The following NDST3 variants were observed in gnomAD, a reference collection of about 807,000 sequenced individuals.
NDST3 encodes bifunctional heparan sulfate N-deacetylase/N-sulfotransferase 3.
NDST3 carries 58 observed loss-of-function variants against 96.1 expected under a neutral mutation model. That is an observed-to-expected ratio of 0.60 (90% CI 0.49 to 0.75). The LOEUF (loss-of-function observed/expected upper bound fraction) is 0.75, where lower values mean the gene tolerates loss of function less well. NDST3 is among the 30% of genes least tolerant of loss of function. The pLI is 0.00. For missense variants in NDST3, 788 were observed against 1,034.2 expected (o/e 0.76, Z 3.27); for synonymous variants, 333 against 359.7 (o/e 0.93, Z 0.84).
chr4:118,236,566 C>G (rs762924556), intron 9 of NDST3, among the ~76,000 whole-genome samples: 1 of 152,158 alleles, frequency 6.6e-6, no homozygotes, highest in Non-Finnish European at 1.5e-5. Context: ...TGTGATTAAA[C>G]GTAACACCGG....
intron 2 of NDST3, among the ~76,000 whole-genome samples, chr4:118,097,670 C>T (rs1729425805): frequency 6.6e-6 from 1 of 151,910 alleles, no homozygotes; most frequent in Non-Finnish European, 1.5e-5. Context: ...TTTATTTTAG[C>T]AATTTTCAAA....
chr4:118,087,392 A>G (rs1044107230), intron 2 of NDST3, among the ~76,000 whole-genome samples: 1 of 152,176 alleles, frequency 6.6e-6, no homozygotes, highest in Non-Finnish European at 1.5e-5. Flanking sequence ...GCTGATAAAA[A>G]GAATCCTGGA....
At chr4:118,227,238 TCCCC>T in intron 8 of NDST3, among the ~76,000 whole-genome samples, 1 of 148,934 alleles carries the variant, frequency 6.7e-6, no homozygotes, top group Non-Finnish European at 1.5e-5. Flanking sequence ...TTTTTTTTTT[TCCCC>T]CCCAAATGTT....
At chr4:118,162,607 G>A (rs1206999402) in intron 6 of NDST3, among the ~76,000 whole-genome samples, 4 of 150,642 alleles carry the variant, frequency 2.7e-5, no homozygotes, top group Non-Finnish European at 5.9e-5. Flanking sequence ...ATTCAAGATG[G>A]ATTAAAGACT....
chr4:118,124,564 A>G (rs1385654789), intron 4 of NDST3, among the ~76,000 whole-genome samples: 1 of 151,970 alleles, frequency 6.6e-6, no homozygotes, highest in Non-Finnish European at 1.5e-5. Flanking sequence ...TGAGCCGGGG[A>G]CTCAAATCTG....
At chr4:118,053,603 C>T (rs527976531) in intron 1 of NDST3, among the ~76,000 whole-genome samples, 153 bp from the exon 2 acceptor site, 20 of 151,898 alleles carry the variant, frequency 1.3e-4, no homozygotes, top group Non-Finnish European at 2.7e-4. Flanking sequence ...CATGTCCTCA[C>T]ACAGATCTGG....
chr4:118,044,936 T>A (rs990886700), intron 1 of NDST3, among the ~76,000 whole-genome samples: 1 of 151,984 alleles, frequency 6.6e-6, no homozygotes, highest in Non-Finnish European at 1.5e-5. Flanking sequence ...CATGACCTAC[T>A]CACTTCTTCT....
At chr4:118,066,132 TATA>T (rs1293894499) in intron 2 of NDST3, among the ~76,000 whole-genome samples, 2 of 37,106 alleles carry the variant, frequency 5.4e-5, no homozygotes, top group East Asian at 7.1e-4. Flanking sequence ...ATATATATTA[TATA>T]ATATATTTTA....
intron 4 of NDST3, among the ~76,000 whole-genome samples, chr4:118,126,027 C>T (rs576589137): frequency 4.5e-4 from 68 of 152,136 alleles, no homozygotes; most frequent in Non-Finnish European, 8.1e-4. Context: ...GCGGCTACTA[C>T]AGGACTCCTT....
chr4:118,162,000 A>T (rs535759553), intron 6 of NDST3, among the ~76,000 whole-genome samples: 1 of 152,154 alleles, frequency 6.6e-6, no homozygotes, highest in Admixed American at 6.5e-5. Context: ...AGCTGTTCCT[A>T]TTCAGCCATC....
chr4:118,044,813 G>A (rs555915285), intron 1 of NDST3, among the ~76,000 whole-genome samples: 20 of 152,266 alleles, frequency 1.3e-4, no homozygotes, highest in African/African-American at 4.6e-4. Context: ...AAGACAGCAT[G>A]CACAAAGGGG....
At chr4:118,064,694 G>A (rs1176850596) in intron 2 of NDST3, among the ~76,000 whole-genome samples, 2 of 152,118 alleles carry the variant, frequency 1.3e-5, no homozygotes, top group South Asian at 2.1e-4. Flanking sequence ...GCTATGTATG[G>A]TTTTCTATTA....
chr4:118,151,739 G>T (rs1310520405), intron 6 of NDST3, among the ~76,000 whole-genome samples: 1 of 152,110 alleles, frequency 6.6e-6, no homozygotes, highest in Non-Finnish European at 1.5e-5. Flanking sequence ...TTAAAAAACA[G>T]TAAGAATTAA....
intron 4 of NDST3, among the ~76,000 whole-genome samples, chr4:118,135,531 C>A (rs62326128): frequency 0.027 from 4,048 of 152,120 alleles, 87 homozygotes; most frequent in Non-Finnish European, 0.041. Flanking sequence ...CCAAAATTAC[C>A]TCTGAACCCC....
intron 6 of NDST3, among the ~76,000 whole-genome samples, chr4:118,184,484 G>T (rs1736799126): frequency 6.6e-6 from 1 of 151,886 alleles, no homozygotes; most frequent in Non-Finnish European, 1.5e-5. Flanking sequence ...TGTGTCTCCA[G>T]CCCTGCAAAT....
chr4:118,174,178 T>C (rs539676679), intron 6 of NDST3, among the ~76,000 whole-genome samples: 6 of 152,340 alleles, frequency 3.9e-5, no homozygotes, highest in Non-Finnish European at 8.8e-5. Flanking sequence ...CACAGCTTCG[T>C]TTCCTGTGTA....
Position 118,240,625 on chromosome 4 carries a change from G to A in NDST3, c.2220G>A (p.Lys740=). Residue 740 remains lysine (K), a synonymous_variant, in exon 11 of 14, where the codon AAG becomes AAA. Transcript: ENST00000296499. ...CCTCGGAGCTCAGAGCCTTGCAGAA[G>A]AGATGTTTGGTCCCGGGGTGGTATG... ...RAPSELRALQ[K]RCLVPGWYAS... is the part of the protein sequence containing the mutation. 1 of 1,613,944 alleles carries A rather than the reference G, an allele frequency of 6.2e-7. No homozygotes were observed. The highest frequency in any genetic ancestry group is 8.5e-7 in the Non-Finnish European group (1 of 1,179,938).
intron 8 of NDST3, among the ~76,000 whole-genome samples, chr4:118,230,882 A>C (rs1261138970): frequency 2.0e-5 from 3 of 152,292 alleles, no homozygotes; most frequent in East Asian, 1.9e-4. Flanking sequence ...TGACAGAGTT[A>C]TTTTAACAAT....
At chr4:118,206,376 G>A (rs1738445453) in intron 6 of NDST3, among the ~76,000 whole-genome samples, 1 of 144,800 alleles carries the variant, frequency 6.9e-6, no homozygotes, top group African/African-American at 2.6e-5. Flanking sequence ...TATTTGAGAT[G>A]GTCCTTGAAA....
Sources: gnomAD v4.1 joint callset for allele counts (sites outside exome capture counted in the v4.1 genomes callset) on GRCh38, gnomAD v4.1.1 for gene constraint, MANE v1.5 for transcripts, NCBI Gene and HGNC (gene_info 2026-07-23, HGNC 2026-07-21) for gene names.